The following ZNF362 variants were observed in gnomAD, a reference collection of about 807,000 sequenced individuals.
ZNF362 encodes the protein zinc finger protein 362.
In ZNF362, 11 loss-of-function variants were observed where a neutral mutation model predicts 42.9. The ratio of observed to expected loss-of-function variants is 0.26; its 90% CI spans 0.16 to 0.42. ZNF362 has a LOEUF of 0.42. ZNF362 is among the 20% of genes least tolerant of loss of function. The pLI is 1.00. For synonymous variants in ZNF362, 255 were observed against 257.3 expected (o/e 0.99, Z 0.09); for missense variants, 362 against 576.2 (o/e 0.63, Z 3.81).
intron 3 of ZNF362, 57 bp downstream of exon 3, chr1:33,276,220 C>T: frequency 1.2e-6 from 2 of 1,605,954 alleles, no homozygotes; most frequent in Non-Finnish European, 1.7e-6. Context: ...GCTTCGCTTC[C>T]CCTGGGTTTT....
the ZNF362 span, among the ~76,000 whole-genome samples, chr1:33,170,723 C>T: frequency 2.6e-5 from 4 of 152,188 alleles, no homozygotes; most frequent in African/African-American, 7.2e-5. Context: ...TCACCCCTCC[C>T]GCTCCAACGT....
At chr1:33,243,801 G>T in the ZNF362 span, among the ~76,000 whole-genome samples, 1 of 147,962 alleles carries the variant, frequency 6.8e-6, no homozygotes, top group Non-Finnish European at 1.5e-5. Context: ...AGTAGAGACA[G>T]GGTTTCACCG....
At chr1:33,250,778 AG>A in the ZNF362 span, among the ~76,000 whole-genome samples, 1 of 151,766 alleles carries the variant, frequency 6.6e-6, no homozygotes, top group African/African-American at 2.4e-5. Flanking sequence ...AGAAGGAAGA[AG>A]AAAGAAGGAG....
At chr1:33,217,651 C>A in the ZNF362 span, among the ~76,000 whole-genome samples, 4 of 152,052 alleles carry the variant, frequency 2.6e-5, no homozygotes, top group African/African-American at 7.2e-5. Context: ...ATAATATAGA[C>A]TCATTAAAAA....
At chr1:33,230,423 G>A in the ZNF362 span, among the ~76,000 whole-genome samples, 303 of 152,260 alleles carry the variant, frequency 2.0e-3, no homozygotes, top group African/African-American at 6.5e-3. Context: ...GGCTACAGTC[G>A]TTTTACCAAG....
At chr1:33,259,852 G>A (rs1645817867) in intron 1 of ZNF362, among the ~76,000 whole-genome samples, 1 of 152,254 alleles carries the variant, frequency 6.6e-6, no homozygotes, top group Admixed American at 6.5e-5. Flanking sequence ...AACCATCACA[G>A]TGGTAGACCT....
chr1:33,218,989 C>A, the ZNF362 span, among the ~76,000 whole-genome samples: 1 of 128,320 alleles, frequency 7.8e-6, no homozygotes, highest in Non-Finnish European at 1.8e-5. Context: ...ACATACACCA[C>A]CCCCTGCCCC....
the ZNF362 span, chr1:33,176,365 G>C: frequency 1.5e-6 from 1 of 671,658 alleles, no homozygotes; most frequent in South Asian, 1.5e-5. Flanking sequence ...CTCCCTCCTT[G>C]GGTGGCTGCC....
the ZNF362 span, among the ~76,000 whole-genome samples, chr1:33,168,465 G>A: frequency 2.6e-5 from 4 of 152,146 alleles, no homozygotes; most frequent in Admixed American, 2.0e-4. Context: ...AGCCATCAGT[G>A]TGAAGTAGTA....
the ZNF362 span, chr1:33,195,870 TAATA>T: frequency 6.6e-6 from 1 of 152,214 alleles, no homozygotes; most frequent in Non-Finnish European, 1.5e-5. Flanking sequence ...CTTTCTTCGA[TAATA>T]AATTAACCTT....
intron 6 of ZNF362, among the ~76,000 whole-genome samples, chr1:33,285,437 GGCA>G (rs1391971336): frequency 6.6e-6 from 1 of 151,958 alleles, no homozygotes; most frequent in Non-Finnish European, 1.5e-5. Context: ...AAATGTTATT[GGCA>G]GCAAGCGCAC....
the ZNF362 span, among the ~76,000 whole-genome samples, chr1:33,202,793 A>G: frequency 6.6e-6 from 1 of 152,058 alleles, no homozygotes; most frequent in Admixed American, 6.5e-5. Context: ...AAAACACTCA[A>G]TGTGCTAGGA....
the ZNF362 span, among the ~76,000 whole-genome samples, chr1:33,232,045 G>C: frequency 1.3e-5 from 2 of 151,998 alleles, no homozygotes; most frequent in Non-Finnish European, 2.9e-5. Context: ...GTTTTGCTTG[G>C]GTCCTTTTCC....
At chr1:33,205,894 C>T in the ZNF362 span, among the ~76,000 whole-genome samples, 3 of 150,938 alleles carry the variant, frequency 2.0e-5, no homozygotes, top group South Asian at 2.1e-4. Flanking sequence ...CCATACTGGG[C>T]GACAGAGCAA....
At chr1:33,183,672 A>C in the ZNF362 span, among the ~76,000 whole-genome samples, 2 of 152,206 alleles carry the variant, frequency 1.3e-5, no homozygotes, top group African/African-American at 2.4e-5. Flanking sequence ...AGCCTATGGC[A>C]GAGAGGGGTT....
intron 1 of ZNF362, among the ~76,000 whole-genome samples, chr1:33,258,632 CCTCCACTGTT>C (rs1226842208): frequency 6.6e-6 from 1 of 152,148 alleles, no homozygotes; most frequent in Non-Finnish European, 1.5e-5. Context: ...TGCTGGGCTC[CCTCCACTGTT>C]CTCCATGACG....
chr1:33,238,084 C>T, the ZNF362 span, among the ~76,000 whole-genome samples: 1 of 152,052 alleles, frequency 6.6e-6, no homozygotes, highest in African/African-American at 2.4e-5. Context: ...CTTTGGGAGG[C>T]CAAGGCAGGT....
At chr1:33,171,147 C>T in the ZNF362 span, among the ~76,000 whole-genome samples, 1 of 152,200 alleles carries the variant, frequency 6.6e-6, no homozygotes, top group African/African-American at 2.4e-5. Context: ...GGCCACACAG[C>T]TTGACACAGG....
At chr1:33,288,035 G>A (rs1166036126) in intron 6 of ZNF362, among the ~76,000 whole-genome samples, 7 of 152,242 alleles carry the variant, frequency 4.6e-5, no homozygotes, top group African/African-American at 1.2e-4. Flanking sequence ...CATTGAATAC[G>A]TTTCCTCTGT....
Sources: allele counts gnomAD v4.1 joint callset (sites outside exome capture counted in the v4.1 genomes callset), GRCh38; gene constraint gnomAD v4.1.1; transcripts MANE v1.5; gene names NCBI Gene and HGNC (gene_info 2026-07-23, HGNC 2026-07-21).